Variants in LRRTM4 observed in about 807,000 individuals in gnomAD.
LRRTM4 encodes the protein leucine rich repeat transmembrane neuronal 4.
Under a neutral mutation model 47.6 loss-of-function variants are expected in LRRTM4, and 25 were observed. That is an observed-to-expected ratio of 0.53 (90% confidence interval 0.38 to 0.73). The LOEUF (loss-of-function observed/expected upper bound fraction) is 0.73. Among genes scored for constraint, LRRTM4 ranks in the 30% least tolerant of loss-of-function variants. LRRTM4 has a pLI of 0.00. For missense variants in LRRTM4, 638 were observed against 713.4 expected, an observed-to-expected ratio of 0.89 and a Z score of 1.20; for synonymous variants, 311 against 269.5, an observed-to-expected ratio of 1.15 and a Z score of -1.51.
chr2:77,380,672 T>C (rs926949963), intron 3 of LRRTM4, among the ~76,000 whole-genome samples: 6 of 151,912 alleles, frequency 3.9e-5, no homozygotes, highest in African/African-American at 1.2e-4. Context: ...TGTGCGTGCC[T>C]GTAATCTCAG....
intron 3 of LRRTM4, among the ~76,000 whole-genome samples, chr2:77,076,438 G>C (rs17334647): frequency 0.11 from 17,357 of 152,144 alleles, 1,222 homozygotes; most frequent in East Asian, 0.16. Flanking sequence ...CTCCCCTAAT[G>C]CTTGAAATAT....
intron 3 of LRRTM4, among the ~76,000 whole-genome samples, chr2:77,389,512 T>C (rs1673418106): frequency 1.3e-5 from 2 of 152,156 alleles, no homozygotes; most frequent in Admixed American, 1.3e-4. Flanking sequence ...ATAAGCACTT[T>C]GTTTAGATAG....
intron 3 of LRRTM4, among the ~76,000 whole-genome samples, chr2:76,821,691 C>T (rs1337177156): frequency 6.6e-6 from 1 of 151,722 alleles, no homozygotes; most frequent in African/African-American, 2.4e-5. Flanking sequence ...TTGGTATTAA[C>T]TGTACAGTAG....
intron 3 of LRRTM4, among the ~76,000 whole-genome samples, chr2:77,048,239 G>T (rs1679299386): frequency 1.3e-5 from 2 of 152,018 alleles, no homozygotes; most frequent in Admixed American, 6.6e-5. Flanking sequence ...GTGTGTGCAT[G>T]TGTGTGTAAT....
chr2:76,905,537 C>T (rs943897779), intron 3 of LRRTM4, among the ~76,000 whole-genome samples: 6 of 151,938 alleles, frequency 3.9e-5, no homozygotes, highest in East Asian at 3.9e-4. Context: ...AGGCTTCAGA[C>T]GATCAAACTA....
chr2:77,301,374 C>T (rs552672876), intron 3 of LRRTM4, among the ~76,000 whole-genome samples: 1 of 152,108 alleles, frequency 6.6e-6, no homozygotes, highest in South Asian at 2.1e-4. Context: ...GCACTACCAA[C>T]ATAAAATATT....
intron 3 of LRRTM4, among the ~76,000 whole-genome samples, chr2:77,242,163 A>G (rs1675285824): frequency 6.6e-6 from 1 of 152,114 alleles, no homozygotes; most frequent in Non-Finnish European, 1.5e-5. Context: ...GAATCTTTCT[A>G]TTTCTGTAAA....
chr2:77,181,587 G>A (rs1208303991), intron 3 of LRRTM4, among the ~76,000 whole-genome samples: 1 of 152,016 alleles, frequency 6.6e-6, no homozygotes, highest in African/African-American at 2.4e-5. Context: ...ACAACAAAAA[G>A]ATAAGTTACC....
intron 3 of LRRTM4, among the ~76,000 whole-genome samples, chr2:77,484,823 A>G (rs1402989916): frequency 6.6e-6 from 1 of 152,134 alleles, no homozygotes; most frequent in Non-Finnish European, 1.5e-5. Context: ...AACAGTTAAT[A>G]AAGAACAATG....
chr2:77,408,723 T>C (rs1025672147), intron 3 of LRRTM4, among the ~76,000 whole-genome samples: 5 of 152,186 alleles, frequency 3.3e-5, no homozygotes, highest in African/African-American at 1.2e-4. Context: ...TGCTCTGTAT[T>C]ATAATTGTCT....
intron 3 of LRRTM4, among the ~76,000 whole-genome samples, chr2:76,857,803 C>A (rs1018547453): frequency 3.3e-5 from 5 of 152,026 alleles, no homozygotes; most frequent in African/African-American, 1.2e-4. Context: ...TTATGTTGAT[C>A]TTTTCTAACA....
chr2:77,128,828 TG>T (rs34173311), intron 3 of LRRTM4, among the ~76,000 whole-genome samples: 32,114 of 152,030 alleles, frequency 0.21, 3,729 homozygotes, highest in Middle Eastern at 0.27. Flanking sequence ...TTAGCAGAGA[TG>T]GAGTTTCACC....
intron 3 of LRRTM4, among the ~76,000 whole-genome samples, chr2:77,025,367 T>C (rs1678418666): frequency 6.6e-6 from 1 of 152,166 alleles, no homozygotes; most frequent in Non-Finnish European, 1.5e-5. Context: ...CTATTCCTAA[T>C]GAGCACAGGA....
rs185884308 is a variant in LRRTM4 at position 76,877,423 on chromosome 2, G to A, written c.1552-128507C>T. On this transcript the variant is annotated intron_variant, in intron 3 of 3. Coordinates refer to ENST00000409884, the MANE Select transcript of LRRTM4 (RefSeq NM_001134745.3). ...TGACTATTTTGCTTTTATGAACAAT[G>A]GTTAATCAACTAATGGATCAGCACT... 4.0e-5 allele frequency among the ~76,000 whole-genome samples: 6 copies of A among 151,544 alleles called. No homozygotes were observed. In the East Asian group the frequency reaches 1.2e-3, roughly 29 times the overall value.
chr2:76,815,882 G>A (rs1670882623), intron 3 of LRRTM4, among the ~76,000 whole-genome samples: 1 of 152,012 alleles, frequency 6.6e-6, no homozygotes, highest in Non-Finnish European at 1.5e-5. Flanking sequence ...TAACTGGGGG[G>A]TGGGCTCTTC....
chr2:76,949,043 AC>A (rs1197719788), intron 3 of LRRTM4, among the ~76,000 whole-genome samples: 1 of 151,892 alleles, frequency 6.6e-6, no homozygotes, highest in East Asian at 1.9e-4. Flanking sequence ...CCGTATTTGC[AC>A]CAAAATCCAT....
At chr2:76,906,319 C>T (rs1673837109) in intron 3 of LRRTM4, among the ~76,000 whole-genome samples, 1 of 151,978 alleles carries the variant, frequency 6.6e-6, no homozygotes, top group Admixed American at 6.6e-5. Flanking sequence ...CACCACCAGG[C>T]CTGCCCTAAA....
intron 3 of LRRTM4, among the ~76,000 whole-genome samples, chr2:77,080,973 A>G (rs921059621): frequency 6.6e-6 from 1 of 152,010 alleles, no homozygotes. Flanking sequence ...TTCCCAACCA[A>G]TTCCCACAAC....
chr2:77,043,303 G>A (rs143940853), intron 3 of LRRTM4, among the ~76,000 whole-genome samples: 5 of 151,858 alleles, frequency 3.3e-5, no homozygotes, highest in African/African-American at 7.2e-5. Context: ...TTTCTTCAGC[G>A]TGCTTAAATT....
Sources: allele counts gnomAD v4.1 joint callset (sites outside exome capture counted in the v4.1 genomes callset), GRCh38; gene constraint gnomAD v4.1.1; transcripts MANE v1.5; gene names NCBI Gene and HGNC (gene_info 2026-07-23, HGNC 2026-07-21).